Variants in CCSER1 observed in about 807,000 individuals in gnomAD.
The protein encoded by CCSER1 is serine-rich coiled-coil domain-containing protein 1.
CCSER1 carries 41 observed loss-of-function variants against 82.0 expected under a neutral mutation model. The ratio of observed to expected loss-of-function variants is 0.50; its 90% confidence interval spans 0.39 to 0.65. The LOEUF (loss-of-function observed/expected upper bound fraction) is 0.65, where lower values mean the gene tolerates loss of function less well. Ranked by LOEUF, CCSER1 falls within the 30% of genes least tolerant of loss-of-function variation. The pLI is 0.00. For synonymous variants in CCSER1, 414 were observed against 383.9 expected (o/e 1.08, Z -0.92); for missense variants, 1,119 against 1,064.2 (o/e 1.05, Z -0.72).
chr4:90,816,356 T>G (rs1474115085), intron 8 of CCSER1, among the ~76,000 whole-genome samples: 1 of 152,116 alleles, frequency 6.6e-6, no homozygotes, highest in African/African-American at 2.4e-5. Flanking sequence ...ATGCAGTGTG[T>G]GTGGTTCAGG....
At chr4:91,093,330 C>G (rs1264420304) in intron 10 of CCSER1, among the ~76,000 whole-genome samples, 2 of 152,214 alleles carry the variant, frequency 1.3e-5, no homozygotes, top group Non-Finnish European at 2.9e-5. Flanking sequence ...TCCAACACTT[C>G]CACACAGTTA....
intron 10 of CCSER1, among the ~76,000 whole-genome samples, chr4:91,483,299 A>G (rs1020934585): frequency 1.3e-5 from 2 of 152,200 alleles, no homozygotes; most frequent in African/African-American, 2.4e-5. Context: ...ATTTCTAGCA[A>G]TGTAATGGTC....
At chr4:91,106,993 A>G (rs1442023634) in intron 10 of CCSER1, among the ~76,000 whole-genome samples, 2 of 152,044 alleles carry the variant, frequency 1.3e-5, no homozygotes, top group African/African-American at 4.8e-5. Context: ...TAATGGGGCT[A>G]CCCTATACTG....
At chr4:91,284,552 T>C (rs1743133021) in intron 10 of CCSER1, among the ~76,000 whole-genome samples, 1 of 152,096 alleles carries the variant, frequency 6.6e-6, no homozygotes, top group Non-Finnish European at 1.5e-5. Context: ...ATGAGAAATG[T>C]ATATGTAAAT....
chr4:91,496,566 A>G (rs1466177023), intron 10 of CCSER1, among the ~76,000 whole-genome samples: 3 of 72,544 alleles, frequency 4.1e-5, no homozygotes, highest in Admixed American at 1.9e-4. Flanking sequence ...TAAATCTTGT[A>G]TATATATATA....
intron 3 of CCSER1, among the ~76,000 whole-genome samples, chr4:90,356,702 C>A (rs1216411394): frequency 6.6e-6 from 1 of 151,714 alleles, no homozygotes; most frequent in Admixed American, 6.6e-5. Context: ...ATTATTAAAT[C>A]GTTTATGTAT....
chr4:91,382,992 C>T (rs1034116478), intron 10 of CCSER1, among the ~76,000 whole-genome samples: 4 of 146,136 alleles, frequency 2.7e-5, no homozygotes, highest in African/African-American at 1.0e-4. Context: ...CTCAGATGAT[C>T]ATTATCATTT....
chr4:90,553,674 A>T (rs1420710038), intron 5 of CCSER1, among the ~76,000 whole-genome samples: 1 of 152,214 alleles, frequency 6.6e-6, no homozygotes, highest in African/African-American at 2.4e-5. Context: ...GGTTATAAAT[A>T]ATCTTATTTT....
In CCSER1 at chr4:90,358,445, A is replaced by G. The variant is rs77252126; in HGVS notation, c.1510-41591A>G. Among the ~76,000 whole-genome samples, 321 of 152,266 alleles carry G rather than the reference A, an allele frequency of 2.1e-3. 1 individual carries two copies. Among genetic ancestry groups the G allele is most frequent in the African/African-American group, 7.4e-3 (307 of 41,564 alleles). On this transcript the variant is annotated intron_variant, in intron 3 of 10. Coordinates refer to ENST00000509176, the MANE Select transcript of CCSER1 (RefSeq NM_001145065.2). ...GATAGTAGTATTGATATTAATTAGT[A>G]CATGGAAAGTACTTAGAAACAGCAG...
At chr4:90,725,294 T>C (rs923931683) in intron 7 of CCSER1, among the ~76,000 whole-genome samples, 1 of 151,678 alleles carries the variant, frequency 6.6e-6, no homozygotes, top group Non-Finnish European at 1.5e-5. Flanking sequence ...AATTAATGTA[T>C]TTTTTAACAG....
At chr4:90,968,405 G>T (rs1734775208) in intron 9 of CCSER1, among the ~76,000 whole-genome samples, 1 of 151,934 alleles carries the variant, frequency 6.6e-6, no homozygotes, top group Admixed American at 6.6e-5. Context: ...CCCACAGATA[G>T]CACATGCAAA....
chr4:91,237,039 A>G (rs1739062368), intron 10 of CCSER1, among the ~76,000 whole-genome samples: 1 of 152,196 alleles, frequency 6.6e-6, no homozygotes. Context: ...ATACTATTCA[A>G]TCTTTGTAAA....
intron 1 of CCSER1, among the ~76,000 whole-genome samples, chr4:90,155,216 C>T (rs1727833622): frequency 6.6e-6 from 1 of 152,134 alleles, no homozygotes; most frequent in Non-Finnish European, 1.5e-5. Context: ...ATCCTTGCAT[C>T]CCAGGGATGA....
chr4:90,390,401 G>A (rs1750802286), intron 3 of CCSER1, among the ~76,000 whole-genome samples: 1 of 152,178 alleles, frequency 6.6e-6, no homozygotes, highest in Admixed American at 6.5e-5. Context: ...AGGTAGCATT[G>A]TACCCAGTGG....
At chr4:91,470,594 T>C (rs1310232786) in intron 10 of CCSER1, among the ~76,000 whole-genome samples, 1 of 152,126 alleles carries the variant, frequency 6.6e-6, no homozygotes, top group African/African-American at 2.4e-5. Flanking sequence ...CCACACCACC[T>C]AGCCAGCATA....
intron 9 of CCSER1, among the ~76,000 whole-genome samples, chr4:91,012,707 T>TCAGTCCCTC (rs1561470030): frequency 2.1e-5 from 2 of 94,772 alleles, no homozygotes; most frequent in South Asian, 3.3e-4. Context: ...CTTCCAACTC[T>TCAGTCCCTC]AAGATAATGT....
chr4:91,105,968 C>T (rs1451338589), intron 10 of CCSER1, among the ~76,000 whole-genome samples: 1 of 151,972 alleles, frequency 6.6e-6, no homozygotes, highest in East Asian at 1.9e-4. Context: ...CCAAACCTTA[C>T]TGGGGATATT....
At chr4:90,911,506 A>G (rs1726353234) in intron 8 of CCSER1, 3 of 338,492 alleles carry the variant, frequency 8.9e-6, no homozygotes, top group Non-Finnish European at 1.8e-5. Flanking sequence ...GGGCGGTTCC[A>G]AGATGGCCAA....
intron 1 of CCSER1, among the ~76,000 whole-genome samples, chr4:90,172,845 G>T (rs570587595): frequency 1.3e-5 from 2 of 151,844 alleles, no homozygotes; most frequent in South Asian, 4.1e-4. Context: ...TGGTATGGCT[G>T]GAGTTAGGTA....
Sources: allele counts gnomAD v4.1 joint callset (sites outside exome capture counted in the v4.1 genomes callset), GRCh38; gene constraint gnomAD v4.1.1; transcripts MANE v1.5; gene names NCBI Gene and HGNC (gene_info 2026-07-23, HGNC 2026-07-21).